OFD1: variants seen among roughly 807,000 people sequenced by gnomAD.
OFD1 encodes OFD1 centriole and centriolar satellite protein.
Under a neutral mutation model 81.4 loss-of-function variants are expected in OFD1, and 12 were observed. The observed-to-expected ratio is 0.15, with a 90% CI of 0.09 to 0.24. The LOEUF (loss-of-function observed/expected upper bound fraction) is 0.24. Among genes scored for constraint, OFD1 ranks in the 10% least tolerant of loss-of-function variants. The pLI, the probability that OFD1 is intolerant of heterozygous loss-of-function variation, is 1.00. For synonymous variants in OFD1, 256 were observed against 263.7 expected, an observed-to-expected ratio of 0.97 and a Z score of 0.28; for missense variants, 685 against 733.9, an observed-to-expected ratio of 0.93 and a Z score of 0.77.
chrX:13,761,284 A>C (rs1602908881), intron 17 of OFD1, 73 bp downstream of exon 17: 2 of 1,049,017 alleles, frequency 1.9e-6, no homozygotes, highest in African/African-American at 2.8e-5. Context: ...CACTTGTTTT[A>C]CTGGGATTTT....
At chrX:13,715,276 C>T in the OFD1 span, among the ~76,000 whole-genome samples, 1 of 112,745 alleles carries the variant, frequency 8.9e-6, no homozygotes, top group South Asian at 3.6e-4. Context: ...AGTTTGAGAC[C>T]AGCCTGGCCA....
the OFD1 span, chrX:13,716,492 C>A: frequency 1.7e-6 from 2 of 1,205,212 alleles, no homozygotes; most frequent in East Asian, 5.9e-5. Flanking sequence ...GTTTGTGAGC[C>A]CAAACTTTAG....
At chrX:13,718,575 G>A in the OFD1 span, among the ~76,000 whole-genome samples, 1 of 112,198 alleles carries the variant, frequency 8.9e-6, no homozygotes, top group Non-Finnish European at 1.9e-5. Context: ...CTGGTACAGA[G>A]ATACCTCAAA....
At chrX:13,722,482 T>C in the OFD1 span, among the ~76,000 whole-genome samples, 3 of 111,417 alleles carry the variant, frequency 2.7e-5, no homozygotes, top group Admixed American at 2.9e-4. Context: ...CTGCCAATTA[T>C]TTGATTTTGT....
chrX:13,732,278 C>T (rs188224987), upstream of OFD1, among the ~76,000 whole-genome samples: 2 of 111,886 alleles, frequency 1.8e-5, no homozygotes, highest in East Asian at 5.6e-4. Flanking sequence ...AGGAAATGCT[C>T]TGGAAACCAG....
At chrX:13,716,716 C>T in the OFD1 span, 401 of 1,193,452 alleles carry the variant, frequency 3.4e-4, 4 homozygotes, top group East Asian at 0.011. Context: ...TTAACATTTG[C>T]ATATGGCATC....
At position 13,736,626 on chromosome X, in the gene OFD1, A is replaced by T. The variant is rs312262818; in HGVS notation, c.260A>T (p.Tyr87Phe). Reference protein sequence around the residue: ...LVADHLQRCGYEYSLSVFFPE... With the variant: ...LVADHLQRCGFEYSLSVFFPE... ...GCAGATCACTTACAAAGATGTGGCT[A>T]TGAATATTCACTTTCTGTTTTCTTT... is the stretch of plus-strand genomic sequence containing the variant. Residue 87 changes from tyrosine (Y) to phenylalanine (F), a missense_variant, in exon 3 of 23, where the codon TAT becomes TTT. Physicochemically the swap from Tyr to Phe is conservative, Grantham distance 22. Coordinates refer to ENST00000340096, the MANE Select transcript of OFD1 (RefSeq NM_003611.3). 32 of 1,208,352 alleles carry T rather than the reference A, an allele frequency of 2.6e-5. No homozygotes were observed. Among genetic ancestry groups the T allele is most frequent in the Non-Finnish European group, 3.5e-5 (31 of 894,151 alleles).
At chrX:13,762,977 C>T (rs1478154605) in intron 18 of OFD1, among the ~76,000 whole-genome samples, 1 of 111,840 alleles carries the variant, frequency 8.9e-6, no homozygotes, top group Non-Finnish European at 1.9e-5. Context: ...ACCATATTGG[C>T]CAGGCTGGTC....
In OFD1 at chrX:13,759,441, G is replaced by A. The variant is rs141680475; in HGVS notation, c.1655-674G>A. Among the ~76,000 whole-genome samples the A allele has an allele frequency of 5.8e-3, 646 of 112,208 alleles. 4 individuals carry two copies. The highest frequency in any genetic ancestry group is 0.02 in the African/African-American group (608 of 30,840). ...GCAAGCTTCTTTCTTGTAGCATCAC[G>A]GGGAGGCATTGCAGGAGAGAGGGGC... On this transcript the variant is annotated intron_variant, in intron 15 of 22. Coordinates refer to ENST00000340096, the MANE Select transcript of OFD1 (RefSeq NM_003611.3).
chrX:13,744,268 G>A (rs2047212645), intron 5 of OFD1, 147 bp from the exon 6 acceptor site: 2 of 431,855 alleles, frequency 4.6e-6, no homozygotes, highest in Non-Finnish European at 8.4e-6. Context: ...ACTCCAGCCT[G>A]GGTGACAGAG....
upstream of OFD1, chrX:13,734,688 A>G (rs1411792208): frequency 2.1e-6 from 2 of 950,351 alleles, no homozygotes; most frequent in African/African-American, 4.0e-5. Context: ...AACCAAGCTC[A>G]TGCGCCGTAG....
chrX:13,758,461 T>A lies in OFD1; in HGVS notation c.1654+13T>A, dbSNP rs756014664. On this transcript the variant is annotated intron_variant, in intron 15 of 22. Transcript: ENST00000340096. ...CAAACTCAGACAGGTTAGAGACGTT[T>A]TAACCCATAAATATTTTTGTATGTA... The A allele has an allele frequency of 5.0e-6, 5 of 999,970 alleles. No individual in the cohort carries two copies. The highest frequency in any genetic ancestry group is 7.1e-6 in the Non-Finnish European group (5 of 704,829). 82.4% of individuals were successfully genotyped at this position (999,970 alleles called of 1,213,427 possible).
chrX:13,773,265 C>CAAAGGTATTGTTAAGAAAAAGCAA (rs2048334875), downstream of OFD1: 4 of 265,320 alleles, frequency 1.5e-5, no homozygotes, highest in Non-Finnish European at 2.0e-5. Context: ...AAAAAATGGC[C>CAAAGGTATTGTTAAGAAAAAGCAA]AAAGGTATTG....
rs2147090672 is a variant in OFD1 at position 13,769,054 on chromosome X, T to G, written c.2997-12T>G. On this transcript the variant is annotated splice_polypyrimidine_tract_variant and intron_variant, in intron 22 of 22. Transcript: ENST00000340096. ...ATTTTTACATTTTAATTTTTATCTT[T>G]CCCTAATTTAGTTTAACAGGCTTTT... is the stretch of plus-strand genomic sequence containing the variant. 1 of 1,158,950 alleles carries G rather than the reference T, an allele frequency of 8.6e-7. No individual in the cohort carries two copies. The highest frequency in any genetic ancestry group is 3.0e-5 in the East Asian group (1 of 33,641).
chrX:13,734,683 A>T, upstream of OFD1: 1 of 943,868 alleles, frequency 1.1e-6, no homozygotes, highest in Non-Finnish European at 1.3e-6. Context: ...TGGGCAACCA[A>T]GCTCATGCGC....
At chrX:13,748,040 C>T (rs2047361746) in intron 8 of OFD1, among the ~76,000 whole-genome samples, 1 of 112,014 alleles carries the variant, frequency 8.9e-6, no homozygotes, top group African/African-American at 3.3e-5. Context: ...AGGAATGCTT[C>T]CCCCTAGTGT....
intron 19 of OFD1, 143 bp downstream of exon 19, chrX:13,763,998 CATT>C: frequency 3.9e-6 from 2 of 511,989 alleles, no homozygotes; most frequent in Non-Finnish European, 7.0e-6. Context: ...TTATAGGTGT[CATT>C]ATATTGTTAA....
intron 18 of OFD1, among the ~76,000 whole-genome samples, chrX:13,762,867 G>T: frequency 9.0e-6 from 1 of 111,371 alleles, no homozygotes. Context: ...AGGTCCAAGT[G>T]ATTCATCTGC....
Position 13,769,214 on chromosome X carries a change from G to A in OFD1, c.*106G>A, listed in dbSNP as rs1241184123. 2 of 661,238 alleles carry A rather than the reference G, an allele frequency of 3.0e-6. No homozygotes were observed. Among genetic ancestry groups the A allele is most frequent in the Admixed American group, 2.6e-5 (1 of 39,183 alleles). The allele number at this position is 661,238 out of a possible 1,213,427, so 54.5% of individuals were successfully genotyped here. On this transcript the variant is annotated 3_prime_UTR_variant, in exon 23 of 23. Transcript: ENST00000340096. ...ATCAGACAAAACTCAATAAAAATGT[G>A]TGTAATCCAATGTGGGTTTTTTTTT...
Sources: gnomAD v4.1 joint callset for allele counts (sites outside exome capture counted in the v4.1 genomes callset) on GRCh38, gnomAD v4.1.1 for gene constraint, MANE v1.5 for transcripts, NCBI Gene and HGNC (gene_info 2026-07-23, HGNC 2026-07-21) for gene names.